EPS8L2: variants seen among roughly 807,000 people sequenced by gnomAD.
The protein encoded by EPS8L2 is EPS8 signaling adaptor L2.
EPS8L2 carries 81 observed loss-of-function variants against 99.4 expected under a neutral mutation model. The ratio of observed to expected loss-of-function variants is 0.82; its 90% confidence interval spans 0.68 to 0.98. The LOEUF (loss-of-function observed/expected upper bound fraction) is 0.98. EPS8L2 is among the 50% of genes least tolerant of loss of function. The pLI, the probability that EPS8L2 is intolerant of heterozygous loss-of-function variation, is 0.00. For synonymous variants in EPS8L2, 509 were observed against 407.3 expected, an observed-to-expected ratio of 1.25 and a Z score of -3.01; for missense variants, 1,155 against 968.8, an observed-to-expected ratio of 1.19 and a Z score of -2.55.
At chr11:711,393 T>G (rs957744494) in intron 4 of EPS8L2, among the ~76,000 whole-genome samples, 2 of 152,054 alleles carry the variant, frequency 1.3e-5, no homozygotes, top group African/African-American at 4.8e-5. Flanking sequence ...GTGCCCAGGC[T>G]GGAGTGCAGT....
chr11:719,128 G>C (rs1027862987), intron 4 of EPS8L2, among the ~76,000 whole-genome samples: 1 of 151,210 alleles, frequency 6.6e-6, no homozygotes, highest in South Asian at 2.1e-4. Context: ...ACAATGCCTG[G>C]CTAATTTTTT....
intron 16 of EPS8L2, 147 bp from the exon 17 acceptor site, chr11:725,581 G>A (rs530560065): frequency 3.9e-5 from 27 of 699,284 alleles, no homozygotes; most frequent in Admixed American, 3.5e-4. Context: ...GGGATGGAGG[G>A]GTGGAAACAG....
At chr11:710,994 TG>T (rs1411939733) in intron 4 of EPS8L2, among the ~76,000 whole-genome samples, 1 of 152,076 alleles carries the variant, frequency 6.6e-6, no homozygotes, top group Non-Finnish European at 1.5e-5. Context: ...TGCCCAGCCC[TG>T]GATGGGAAGA....
Position 722,535 on chromosome 11 carries a change from C to G in EPS8L2, c.1194C>G (p.Ser398Arg), listed in dbSNP as rs987396784. 3.1e-6 allele frequency: 5 copies of G among 1,613,036 alleles called. No individual in the cohort carries two copies. Among genetic ancestry groups the G allele is most frequent in the Non-Finnish European group, 3.4e-6 (4 of 1,179,864 alleles). The change falls in exon 13 of 21, where the codon AGC (serine) becomes AGG (arginine). Residue 398 changes from serine (S) to arginine (R), a missense_variant. Transcript: ENST00000318562. ...CGCTGTGGGAGTCACTGGGAGAGAG[C>G]TGGATGCGGCCCCGGTAGGGCAGGG... ...EMSLWESLGE[S>R]WMRPRSEWPR... is the part of the protein sequence containing the mutation.
intron 4 of EPS8L2, among the ~76,000 whole-genome samples, chr11:715,810 C>T (rs1458671077): frequency 1.3e-4 from 19 of 150,086 alleles, no homozygotes; most frequent in South Asian, 1.3e-3. Flanking sequence ...TTAGTAGAGA[C>T]GGGGTTTCAC....
chr11:716,624 G>C (rs1429658922), intron 4 of EPS8L2, among the ~76,000 whole-genome samples: 3 of 152,198 alleles, frequency 2.0e-5, no homozygotes, highest in African/African-American at 7.2e-5. Context: ...TCTCCTTGCA[G>C]CACTGGTTTA....
intron 3 of EPS8L2, 131 bp from the exon 4 acceptor site, chr11:710,291 C>T (rs568827662): frequency 2.5e-6 from 2 of 815,066 alleles, no homozygotes; most frequent in Non-Finnish European, 4.2e-6. Context: ...CACATCCTTC[C>T]TGGTGGCCAA....
chr11:720,979 CCGGCAGGGGAGGGGA>C, intron 7 of EPS8L2, 70 bp downstream of exon 7: 1 of 1,303,876 alleles, frequency 7.7e-7, no homozygotes, highest in Non-Finnish European at 1.0e-6. Flanking sequence ...AGGGGAGGAG[CCGGCAGGGGAGGGGA>C]GGAGCCCGGC....
rs768821477 is a variant in EPS8L2, at chr11:726,663, C to T, written c.1979C>T (p.Ser660Phe). 4 of 1,566,882 alleles carry T rather than the reference C, an allele frequency of 2.6e-6. No homozygotes were observed. Among genetic ancestry groups the T allele is most frequent in the Middle Eastern group, 1.7e-4 (1 of 5,824 alleles). ...LGILTGPQLFSLNKEELKKVC... is the reference protein window; with the variant it reads ...LGILTGPQLFFLNKEELKKVC... ...ATCCTGACCGGGCCGCAGCTCTTCTCCCTCAACAAGGAGGAGCTGAAGAAA... is the reference window on the plus strand; with the variant it reads ...ATCCTGACCGGGCCGCAGCTCTTCTTCCTCAACAAGGAGGAGCTGAAGAAA... Residue 660 changes from serine to phenylalanine, a missense_variant, in exon 20 of 21, where the codon TCC becomes TTC. By Grantham distance (155) the Ser-to-Phe change is radical. Coordinates refer to ENST00000318562, the MANE Select transcript of EPS8L2 (RefSeq NM_022772.4).
At chr11:720,357 G>C in intron 5 of EPS8L2, 134 bp downstream of exon 5, 1 of 1,149,236 alleles carries the variant, frequency 8.7e-7, no homozygotes, top group East Asian at 2.5e-5. Context: ...CCTGGAAGAG[G>C]ATGGGACAAG....
rs1008442513 is a variant in EPS8L2, at chr11:726,807, C to A, written c.2067+56C>A. ...CCTCCTGCCCCTGCGCCCTCCTCTC[C>A]CCCGCCCGTTCCTGGGGTCGCAGAG... On this transcript the variant is annotated intron_variant, in intron 20 of 20. Coordinates refer to ENST00000318562, the MANE Select transcript of EPS8L2 (RefSeq NM_022772.4). The A allele has an allele frequency of 1.0e-5, 16 of 1,579,864 alleles. No individual in the cohort carries two copies. In the African/African-American group the frequency reaches 2.0e-4, roughly 20 times the overall value.
intron 1 of EPS8L2, chr11:709,080 A>G (rs1861812941): frequency 2.4e-6 from 1 of 425,264 alleles, no homozygotes; most frequent in African/African-American, 2.1e-5. Context: ...GGCCCTTGTC[A>G]GAGCCTCCCA....
In EPS8L2 at chr11:710,458, T is replaced by G. The variant is rs1479111972; in HGVS notation, c.137T>G (p.Met46Arg). The G allele has an allele frequency of 1.9e-6, 3 of 1,613,658 alleles. No individual in the cohort carries two copies. The highest frequency in any genetic ancestry group is 1.7e-5 in the Admixed American group (1 of 60,010). The change falls in exon 4 of 21, where the codon ATG becomes AGG. Residue 46 changes from methionine to arginine, a missense_variant. Met to Arg is a moderately conservative substitution (Grantham distance 91). Transcript: ENST00000318562. ...RKKYSNSNVI[M>R]HETSQYHVQH... The stretch of plus-strand genomic sequence containing the variant: ...AAGTATTCCAACTCCAACGTCATCA[T>G]GCACGAGACCTCGCAGTACCACGTC...
Position 721,313 on chromosome 11 carries a change from G to A in EPS8L2, c.729G>A (p.Glu243=), listed in dbSNP as rs1862167909. Residue 243 remains glutamate, a synonymous_variant, in exon 9 of 21, where the codon GAG becomes GAA. Coordinates refer to ENST00000318562, the MANE Select transcript of EPS8L2 (RefSeq NM_022772.4). ...TCCGCCGTCGGGAGTCGCAGGAGGA[G>A]CCGCGGGCCGTGCTGGCTCAGAAGA... ...PGFRRRESQE[E]PRAVLAQKIE... is the part of the protein sequence containing the mutation. 6.5e-7 allele frequency: 1 copy of A among 1,540,114 alleles called. No homozygotes were observed. The highest frequency in any genetic ancestry group is 8.7e-7 in the Non-Finnish European group (1 of 1,146,712).
At chr11:709,725 G>A (rs777327441) in intron 3 of EPS8L2, 117 bp downstream of exon 3, 61 of 1,250,578 alleles carry the variant, frequency 4.9e-5, no homozygotes, top group African/African-American at 8.9e-5. Flanking sequence ...GGGGATCTCC[G>A]GGTGCCCAGG....
At chr11:721,248 G>T (rs1862165620) in intron 8 of EPS8L2, 37 bp from the exon 9 acceptor site, 2 of 1,538,144 alleles carry the variant, frequency 1.3e-6, no homozygotes, top group African/African-American at 1.4e-5. Context: ...GGCTCGTTGT[G>T]GGGGGCTCGG....
intron 12 of EPS8L2, 96 bp downstream of exon 12, chr11:722,261 C>G: frequency 6.5e-7 from 1 of 1,537,856 alleles, no homozygotes; most frequent in East Asian, 2.3e-5. Context: ...AGGTGCCCGC[C>G]TTGGGCAGCC....
At chr11:726,054 CG>C (rs1307096486) in intron 17 of EPS8L2, 43 bp from the exon 18 acceptor site, 15 of 880,432 alleles carry the variant, frequency 1.7e-5, no homozygotes, top group South Asian at 5.7e-5. Context: ...TGCTGGGAGG[CG>C]GGGGCGGGGC....
At chr11:712,414 G>A (rs959829404) in intron 4 of EPS8L2, among the ~76,000 whole-genome samples, 21 of 150,300 alleles carry the variant, frequency 1.4e-4, no homozygotes, top group South Asian at 2.1e-4. Context: ...CCCGGTTGTC[G>A]TCCAAGCCTG....
Sources: allele counts gnomAD v4.1 joint callset (sites outside exome capture counted in the v4.1 genomes callset), GRCh38; gene constraint gnomAD v4.1.1; transcripts MANE v1.5; gene names NCBI Gene and HGNC (gene_info 2026-07-23, HGNC 2026-07-21).